The following PPP1R1C variants were observed in gnomAD, a reference collection of about 807,000 sequenced individuals.
PPP1R1C encodes the protein protein phosphatase 1 regulatory inhibitor subunit 1C.
Under a neutral mutation model 17.4 loss-of-function variants are expected in PPP1R1C, and 15 were observed. That is an observed-to-expected ratio of 0.86 (90% confidence interval 0.58 to 1.33). The LOEUF (loss-of-function observed/expected upper bound fraction) is 1.33. Ranked by LOEUF, PPP1R1C falls within the 40% of genes most tolerant of loss-of-function variation. The pLI is 0.00. For synonymous variants in PPP1R1C, 35 were observed against 43.1 expected, an observed-to-expected ratio of 0.81 and a Z score of 0.73; for missense variants, 143 against 130.0, an observed-to-expected ratio of 1.10 and a Z score of -0.48.
intron 2 of PPP1R1C, among the ~76,000 whole-genome samples, chr2:182,037,754 C>CTATGA (rs1687056431): frequency 2.0e-5 from 3 of 152,084 alleles, no homozygotes; most frequent in African/African-American, 7.2e-5. Flanking sequence ...CTGTTAATTT[C>CTATGA]ACCTGAATTT....
At chr2:182,034,455 A>G (rs1686939280) in intron 2 of PPP1R1C, among the ~76,000 whole-genome samples, 1 of 152,196 alleles carries the variant, frequency 6.6e-6, no homozygotes, top group Admixed American at 6.5e-5. Context: ...TGGGAAGAAG[A>G]ATAACATGTT....
intron 4 of PPP1R1C, among the ~76,000 whole-genome samples, chr2:182,113,699 C>A (rs1222972310): frequency 6.6e-6 from 1 of 151,082 alleles, no homozygotes; most frequent in African/African-American, 2.4e-5. Flanking sequence ...ATTAACCTTT[C>A]TAAAAACAAA....
intron 2 of PPP1R1C, among the ~76,000 whole-genome samples, chr2:181,991,995 G>C (rs1374551488): frequency 6.6e-6 from 1 of 152,108 alleles, no homozygotes; most frequent in Non-Finnish European, 1.5e-5. Context: ...TTAAAAACAA[G>C]TAATGTCTTA....
At chr2:182,010,535 G>A (rs975393398) in intron 2 of PPP1R1C, among the ~76,000 whole-genome samples, 1 of 151,960 alleles carries the variant, frequency 6.6e-6, no homozygotes, top group African/African-American at 2.4e-5. Flanking sequence ...GAGTCTTCAG[G>A]TTTTTCCAAA....
intron 2 of PPP1R1C, among the ~76,000 whole-genome samples, chr2:182,042,279 T>TATG: frequency 6.6e-6 from 1 of 152,274 alleles, no homozygotes; most frequent in East Asian, 1.9e-4. Flanking sequence ...ATGTCACAGA[T>TATG]AAATATGAAA....
chr2:181,958,444 G>A (rs1380403734), intron 1 of PPP1R1C, among the ~76,000 whole-genome samples: 1 of 152,174 alleles, frequency 6.6e-6, no homozygotes, highest in African/African-American at 2.4e-5. Context: ...AGCTGGGGAT[G>A]GGCATAGGAA....
At chr2:182,036,719 G>A (rs552448898) in intron 2 of PPP1R1C, among the ~76,000 whole-genome samples, 29 of 151,722 alleles carry the variant, frequency 1.9e-4, no homozygotes, top group East Asian at 7.7e-4. Context: ...GTGTGTGTGT[G>A]TATATATATA....
At chr2:181,994,022 A>G (rs1013850876) in intron 2 of PPP1R1C, among the ~76,000 whole-genome samples, 1 of 137,498 alleles carries the variant, frequency 7.3e-6, no homozygotes, top group South Asian at 2.4e-4. Flanking sequence ...GGTAAGAAAA[A>G]AAAAAGATCT....
At chr2:182,030,524 C>CA in intron 2 of PPP1R1C, among the ~76,000 whole-genome samples, 1 of 150,126 alleles carries the variant, frequency 6.7e-6, no homozygotes, top group Non-Finnish European at 1.5e-5. Flanking sequence ...TTAGGCTGCT[C>CA]GGGGGTCAGG....
intron 2 of PPP1R1C, among the ~76,000 whole-genome samples, chr2:182,027,803 T>C (rs1205006058): frequency 6.7e-6 from 1 of 148,934 alleles, no homozygotes; most frequent in African/African-American, 2.5e-5. Flanking sequence ...TTCCTCCTTG[T>C]ACCTCTGGTA....
rs1436717821 is a variant in PPP1R1C, at chr2:182,004,567, A to G, written c.142+16668A>G. 2.6e-5 allele frequency among the ~76,000 whole-genome samples: 4 copies of G among 152,256 alleles called. No individual in the cohort carries two copies. In the East Asian group the frequency reaches 7.7e-4, roughly 29 times the overall value. ...CAAAAGCCCAGAAACATGACAAGGC[A>G]TTAGAGATTCAATGCTATGAATGGA... On this transcript the variant is annotated intron_variant, in intron 2 of 4. Transcript: ENST00000682840.
chr2:182,055,295 A>G (rs1430574079), intron 2 of PPP1R1C, among the ~76,000 whole-genome samples: 1 of 152,088 alleles, frequency 6.6e-6, no homozygotes, highest in Admixed American at 6.6e-5. Context: ...ACCATCTCTT[A>G]CTTATATGAT....
At chr2:182,113,150 G>A (rs1292905067) in intron 4 of PPP1R1C, among the ~76,000 whole-genome samples, 2 of 152,172 alleles carry the variant, frequency 1.3e-5, no homozygotes, top group African/African-American at 4.8e-5. Flanking sequence ...AACATGTACA[G>A]TGATGAGGAA....
intron 2 of PPP1R1C, among the ~76,000 whole-genome samples, chr2:182,026,626 T>C (rs1686621157): frequency 6.6e-6 from 1 of 152,130 alleles, no homozygotes; most frequent in Non-Finnish European, 1.5e-5. Context: ...TGTAGTATAG[T>C]TTGAAGTCAG....
rs71008205 is a variant in PPP1R1C, at chr2:182,021,321, CTTTTTTTTTT to C, written c.142+33440_142+33449del. On this transcript the variant is annotated intron_variant, in intron 2 of 4. Transcript: ENST00000682840. ...TTATGGTTATTCTTTCTCTCTCTCTCTTTTTTTTTTTTTTTTTTTTTTTTTTTAATGGAGT... is the reference window on the plus strand; with the variant it reads ...TTATGGTTATTCTTTCTCTCTCTCTCTTTTTTTTTTTTTTTTTAATGGAGT... 2.7e-4 allele frequency among the ~76,000 whole-genome samples: 24 copies of C among 89,644 alleles called. 1 individual carries two copies. The highest frequency in any genetic ancestry group is 4.4e-4 in the African/African-American group (11 of 24,860). The allele number at this position is 89,644 out of a possible 152,430, so 58.8% of individuals were successfully genotyped here.
downstream of PPP1R1C, among the ~76,000 whole-genome samples, chr2:182,121,896 T>C (rs547975751): frequency 4.3e-4 from 65 of 152,346 alleles, 1 homozygote; most frequent in African/African-American, 1.4e-3. Flanking sequence ...ACACCTTTCC[T>C]GCTTCTTTGA....
chr2:182,026,325 G>A (rs1239964953), intron 2 of PPP1R1C, among the ~76,000 whole-genome samples: 3 of 141,062 alleles, frequency 2.1e-5, no homozygotes, highest in Non-Finnish European at 4.6e-5. Context: ...TTTTCTTCTC[G>A]GGTTTTTATG....
At chr2:181,974,917 A>G (rs1054621958) in intron 1 of PPP1R1C, among the ~76,000 whole-genome samples, 1 of 152,210 alleles carries the variant, frequency 6.6e-6, no homozygotes, top group Non-Finnish European at 1.5e-5. Flanking sequence ...CCTGTCTTCA[A>G]TCATTTGTAA....
At chr2:181,974,617 G>C (rs1685065192) in intron 1 of PPP1R1C, among the ~76,000 whole-genome samples, 1 of 152,122 alleles carries the variant, frequency 6.6e-6, no homozygotes, top group African/African-American at 2.4e-5. Flanking sequence ...GACCCTTCCT[G>C]GAATTGAGGA....
Sources: allele counts gnomAD v4.1 joint callset (sites outside exome capture counted in the v4.1 genomes callset), GRCh38; gene constraint gnomAD v4.1.1; transcripts MANE v1.5; gene names NCBI Gene and HGNC (gene_info 2026-07-23, HGNC 2026-07-21).